The following SMARCA4 variants were observed in gnomAD, a reference collection of about 807,000 sequenced individuals.
SMARCA4 encodes SWI/SNF related BAF chromatin remodeling complex subunit ATPase 4.
In SMARCA4, 31 loss-of-function variants were observed where a neutral mutation model predicts 193.9. The observed-to-expected ratio is 0.16, with a 90% CI of 0.12 to 0.22. SMARCA4 has a LOEUF of 0.22. SMARCA4 is among the 10% of genes least tolerant of loss of function. The pLI, the probability that SMARCA4 is intolerant of heterozygous loss-of-function variation, is 1.00. For missense variants in SMARCA4, 1,148 were observed against 2,296.0 expected, an observed-to-expected ratio of 0.50 and a Z score of 10.22; for synonymous variants, 942 against 933.1, an observed-to-expected ratio of 1.01 and a Z score of -0.17.
At chr19:11,042,818 C>G (rs1007105009) in intron 30 of SMARCA4, among the ~76,000 whole-genome samples, 2 of 151,976 alleles carry the variant, frequency 1.3e-5, no homozygotes, top group Admixed American at 6.6e-5. Flanking sequence ...GAAAACCCAT[C>G]TTTACTGAAA....
At chr19:11,037,287 G>C (rs532794349) in intron 29 of SMARCA4, among the ~76,000 whole-genome samples, 17 of 152,312 alleles carry the variant, frequency 1.1e-4, no homozygotes, top group Non-Finnish European at 2.2e-4. Flanking sequence ...CTGTGTATGA[G>C]AATTCCTCTT....
At chr19:11,025,595 AAACAGACTCG>A in intron 22 of SMARCA4, 87 bp downstream of exon 22, 1 of 925,340 alleles carries the variant, frequency 1.1e-6, no homozygotes, top group Non-Finnish European at 1.8e-6. Flanking sequence ...AGCTCTTTAA[AAACAGACTCG>A]AATATTTTCA....
chr19:10,968,531 A>T (rs1215827909), intron 1 of SMARCA4, among the ~76,000 whole-genome samples: 1 of 150,470 alleles, frequency 6.6e-6, no homozygotes, highest in Non-Finnish European at 1.5e-5. Context: ...TTATTTTTTT[A>T]GAGACGGAGA....
chr19:11,023,496 C>A (rs764681449), intron 19 of SMARCA4, 22 bp from the exon 20 acceptor site: 1 of 1,490,926 alleles, frequency 6.7e-7, no homozygotes, highest in Non-Finnish European at 9.3e-7. Context: ...ACGCTTGCTT[C>A]TCCTGTCTTG....
chr19:11,014,479 C>T (rs1005874165), intron 16 of SMARCA4, among the ~76,000 whole-genome samples: 1 of 152,212 alleles, frequency 6.6e-6, no homozygotes, highest in African/African-American at 2.4e-5. Flanking sequence ...GTAGCTGCAC[C>T]TCCCCTCGTG....
At chr19:11,038,199 C>T (rs555076813) in intron 29 of SMARCA4, among the ~76,000 whole-genome samples, 37 of 152,284 alleles carry the variant, frequency 2.4e-4, no homozygotes, top group African/African-American at 8.4e-4. Flanking sequence ...TTGGCTTTTC[C>T]AGCTTCTGAT....
chr19:11,061,672 G>A (rs925922370), intron 34 of SMARCA4, 112 bp from the exon 35 acceptor site: 40 of 1,067,954 alleles, frequency 3.7e-5, no homozygotes, highest in African/African-American at 2.5e-4. Context: ...CACCGTGCCC[G>A]GCCCACATCA....
Position 11,041,095 on chromosome 19 carries a change from G to C in SMARCA4, c.4171-212G>C, listed in dbSNP as rs1427981208. 2.0e-5 allele frequency: 11 copies of C among 563,826 alleles called. No individual in the cohort carries two copies. Among genetic ancestry groups the C allele is most frequent in the Middle Eastern group, 4.6e-4 (1 of 2,154 alleles). 34.9% of individuals were successfully genotyped at this position (563,826 alleles called of 1,614,324 possible). A position where few individuals can be genotyped will look rare whatever the true frequency, so the allele number is the denominator to read the frequency against. The stretch of plus-strand genomic sequence containing the variant: ...TTTTTTAAAGACAAGCTTGGGTGGG[G>C]TGCCTGCTGGGGGCAGTGCTGGTCT... On this transcript the variant is annotated intron_variant, in intron 29 of 34. Transcript: ENST00000344626. This position sits in a 1 kb window ranked among gnomAD's most constrained non-coding sequence, Gnocchi z 5.6.
intron 1 of SMARCA4, among the ~76,000 whole-genome samples, chr19:10,979,084 TAA>T (rs1228952401): frequency 6.6e-6 from 1 of 152,164 alleles, no homozygotes; most frequent in East Asian, 1.9e-4. Flanking sequence ...GCAACATTGT[TAA>T]AAGTTGTAAG....
At chr19:10,990,990 G>A (rs560561681) in intron 7 of SMARCA4, among the ~76,000 whole-genome samples, 160 bp from the exon 8 acceptor site, 10 of 152,236 alleles carry the variant, frequency 6.6e-5, no homozygotes, top group Non-Finnish European at 8.8e-5. Flanking sequence ...CGCCCTGCCC[G>A]GGGGCACCTG....
At chr19:10,983,662 G>C (rs1236684851) in intron 1 of SMARCA4, 1 of 172,054 alleles carries the variant, frequency 5.8e-6, no homozygotes, top group African/African-American at 2.4e-5. Flanking sequence ...TCGAACTCCT[G>C]ACCTCAAATG....
chr19:11,004,819 T>C (rs917091153), intron 13 of SMARCA4, among the ~76,000 whole-genome samples: 13 of 151,780 alleles, frequency 8.6e-5, no homozygotes, highest in Admixed American at 5.9e-4. Context: ...ATGTTTTTTT[T>C]CCCTAGATTT....
At chr19:11,005,635 C>G (rs1412554536) in intron 13 of SMARCA4, among the ~76,000 whole-genome samples, 1 of 152,210 alleles carries the variant, frequency 6.6e-6, no homozygotes, top group East Asian at 1.9e-4. Context: ...AGCAGTGCCA[C>G]TGGCTGTGGG....
intron 1 of SMARCA4, among the ~76,000 whole-genome samples, chr19:10,975,754 C>T (rs1599863963): frequency 2.0e-5 from 3 of 152,180 alleles, no homozygotes; most frequent in Non-Finnish European, 4.4e-5. Flanking sequence ...AAAGGGTTAA[C>T]CTCCTGGACT....
chr19:11,002,943 G>T, intron 11 of SMARCA4, 86 bp from the exon 12 acceptor site: 2 of 1,485,916 alleles, frequency 1.3e-6, no homozygotes, highest in South Asian at 2.3e-5. Context: ...GCAAACAGTT[G>T]AGTGGGTGCT....
chr19:10,974,689 ATTTTTTTTTTTTTTTTTTT>A (rs74182450), intron 1 of SMARCA4, among the ~76,000 whole-genome samples: 2 of 37,170 alleles, frequency 5.4e-5, no homozygotes, highest in African/African-American at 3.0e-4. Flanking sequence ...ATATATATAT[ATTTTTTTTTTTTTTTTTTT>A]TTTTTTTTTT....
rs2146594596 is a variant in SMARCA4 at position 11,030,665 on chromosome 19, C to T, written c.3383-65C>T. 1 of 1,457,646 alleles carries T rather than the reference C, an allele frequency of 6.9e-7. No homozygotes were observed. Among genetic ancestry groups the T allele is most frequent in the South Asian group, 1.2e-5 (1 of 83,770 alleles). 90.3% of individuals were successfully genotyped at this position (1,457,646 alleles called of 1,614,324 possible). On this transcript the variant is annotated intron_variant, in intron 24 of 34. Coordinates refer to ENST00000344626, the MANE Select transcript of SMARCA4 (RefSeq NM_003072.5). This position sits in a 1 kb window ranked among gnomAD's most constrained non-coding sequence, Gnocchi z 5.5. Reference sequence around the variant, plus strand: ...GCTCCTGCTCTCAGAAGCAGGTGTTCCTTGGTGTCCCCACTCTACCCCTGA... The same window carrying T: ...GCTCCTGCTCTCAGAAGCAGGTGTTTCTTGGTGTCCCCACTCTACCCCTGA...
At position 11,034,324 on chromosome 19, in the gene SMARCA4, A is replaced by G; in HGVS notation, c.3951+124A>G. ...GGTCAGGGAGCCAGGGACAGCTCAC[A>G]GTGCAGCCCACTCCCACCTCCAGAC... On this transcript the variant is annotated intron_variant, in intron 28 of 34. Coordinates refer to ENST00000344626, the MANE Select transcript of SMARCA4 (RefSeq NM_003072.5). This position sits in a 1 kb window ranked among gnomAD's most constrained non-coding sequence, Gnocchi z 7.0. 6 of 776,014 alleles carry G rather than the reference A, an allele frequency of 7.7e-6. No homozygotes were observed. The highest frequency in any genetic ancestry group is 1.1e-5 in the Non-Finnish European group (5 of 444,252). The allele number at this position is 776,014 out of a possible 1,614,324, so 48.1% of individuals were successfully genotyped here. A position where few individuals can be genotyped will look rare whatever the true frequency, so the allele number is the denominator to read the frequency against.
chr19:10,988,223 C>G (rs1271424103), intron 6 of SMARCA4, among the ~76,000 whole-genome samples: 1 of 152,058 alleles, frequency 6.6e-6, no homozygotes, highest in East Asian at 1.9e-4. Context: ...TGGCTTCAAG[C>G]GATTCTTCTG....
Sources: allele counts gnomAD v4.1 joint callset (sites outside exome capture counted in the v4.1 genomes callset), GRCh38; gene constraint gnomAD v4.1.1; non-coding constraint Gnocchi (gnomAD v3.1); transcripts MANE v1.5; gene names NCBI Gene and HGNC (gene_info 2026-07-23, HGNC 2026-07-21).